SEC23B: variants seen among roughly 807,000 people sequenced by gnomAD.
SEC23B encodes SEC23 homolog B, COPII component.
SEC23B carries 77 observed loss-of-function variants against 104.3 expected under a neutral mutation model. The observed-to-expected ratio is 0.74, with a 90% confidence interval of 0.61 to 0.89. The LOEUF (loss-of-function observed/expected upper bound fraction) is 0.89. Among genes scored for constraint, SEC23B ranks in the 40% least tolerant of loss-of-function variants. The probability of loss-of-function intolerance (pLI) is 0.00; values close to 1 mark genes in which losing one functional copy is unlikely to be tolerated. For missense variants in SEC23B, 885 were observed against 949.4 expected, an observed-to-expected ratio of 0.93 and a Z score of 0.89; for synonymous variants, 338 against 332.5, an observed-to-expected ratio of 1.02 and a Z score of -0.18.
chr20:18,548,538 A>C, intron 15 of SEC23B, 71 bp from the exon 16 acceptor site: 4 of 1,463,206 alleles, frequency 2.7e-6, no homozygotes, highest in Non-Finnish European at 3.8e-6. Flanking sequence ...GCCCTGAGGT[A>C]GATCTACTCT....
At chr20:18,513,628 T>G (rs2060000125) in intron 3 of SEC23B, among the ~76,000 whole-genome samples, 2 of 152,242 alleles carry the variant, frequency 1.3e-5, no homozygotes, top group South Asian at 2.1e-4. Context: ...AGTCTAGTGA[T>G]GAAGAGGACA....
chr20:18,516,531 G>T, intron 4 of SEC23B, among the ~76,000 whole-genome samples: 1 of 87,454 alleles, frequency 1.1e-5, no homozygotes, highest in African/African-American at 3.1e-5. Context: ...ACATTTTTGG[G>T]CTCTTTTTTT....
chr20:18,527,410 T>C (rs1358300435), intron 8 of SEC23B, 86 bp from the exon 9 acceptor site: 3 of 821,344 alleles, frequency 3.7e-6, no homozygotes, highest in Non-Finnish European at 4.4e-6. Flanking sequence ...TACATGTTTT[T>C]ATATTTGATT....
intron 4 of SEC23B, among the ~76,000 whole-genome samples, chr20:18,516,386 A>G (rs2060026013): frequency 6.6e-6 from 1 of 151,422 alleles, no homozygotes; most frequent in Non-Finnish European, 1.5e-5. Context: ...CATATGTTGG[A>G]GGTTTGCATT....
Position 18,542,257 on chromosome 20 carries a change from C to T in SEC23B, c.1405-39C>T, listed in dbSNP as rs116354019. 3,307 of 1,554,876 alleles carry T rather than the reference C, an allele frequency of 2.1e-3. 77 individuals are homozygous for T. In the African/African-American group the frequency reaches 0.04, roughly 19 times the overall value. Reference sequence around the variant, plus strand: ...GGGCTCTGTGACCGTGTTTGAGTTGCGCCTATAACAGACAAGGTTATGGCC... The same window carrying T: ...GGGCTCTGTGACCGTGTTTGAGTTGTGCCTATAACAGACAAGGTTATGGCC... On this transcript the variant is annotated intron_variant, in intron 12 of 19. Coordinates refer to ENST00000650089, the MANE Select transcript of SEC23B (RefSeq NM_006363.6).
intron 13 of SEC23B, 42 bp from the exon 14 acceptor site, chr20:18,542,977 C>T: frequency 6.2e-7 from 1 of 1,612,850 alleles, no homozygotes; most frequent in Non-Finnish European, 8.5e-7. Context: ...GCTTTCTGAT[C>T]TCTCCTAAAC....
intron 17 of SEC23B, among the ~76,000 whole-genome samples, chr20:18,552,613 AGACCAGTCT>A (rs2060398621): frequency 6.6e-6 from 1 of 152,214 alleles, no homozygotes; most frequent in Non-Finnish European, 1.5e-5. Flanking sequence ...CAGGAGTTCA[AGACCAGTCT>A]GGCCAACATA....
chr20:18,508,952 C>A (rs889862370), intron 1 of SEC23B, among the ~76,000 whole-genome samples: 2 of 152,116 alleles, frequency 1.3e-5, no homozygotes, highest in African/African-American at 4.8e-5. Flanking sequence ...AATTCCTGAC[C>A]TCAGGTCATC....
chr20:18,549,360 T>C (rs545028146), intron 16 of SEC23B, among the ~76,000 whole-genome samples: 16 of 152,152 alleles, frequency 1.1e-4, no homozygotes, highest in Non-Finnish European at 1.9e-4. Context: ...ATACCTAATA[T>C]AATGTAAGTA....
At chr20:18,560,369 G>GTAC (rs2060480425) in intron 19 of SEC23B, among the ~76,000 whole-genome samples, 1 of 152,122 alleles carries the variant, frequency 6.6e-6, no homozygotes, top group Non-Finnish European at 1.5e-5. Context: ...TAGACCCTGG[G>GTAC]TACTTCATCA....
intron 11 of SEC23B, 48 bp from the exon 12 acceptor site, chr20:18,535,605 G>T (rs765325051): frequency 4.1e-6 from 6 of 1,466,448 alleles, no homozygotes; most frequent in Non-Finnish European, 3.8e-6. Context: ...ATTAACCACA[G>T]GGATGGTTTT....
Position 18,527,591 on chromosome 20 carries a change from GTGT to G in SEC23B, c.1093_1095del (p.Cys365del), listed in dbSNP as rs753064087. Reference sequence around the variant, plus strand: ...ATCAAACTGGACTTTTGGAGATGAAGTGTTGTGCAAATCTTACTGGGTATGTTG... The same window carrying G: ...ATCAAACTGGACTTTTGGAGATGAAGTGTGCAAATCTTACTGGGTATGTTG... On this transcript the variant is annotated inframe_deletion, in exon 9 of 20. Coordinates refer to ENST00000650089, the MANE Select transcript of SEC23B (RefSeq NM_006363.6). 5 of 1,606,562 alleles carry G rather than the reference GTGT, an allele frequency of 3.1e-6. No homozygotes were observed. Among genetic ancestry groups the G allele is most frequent in the Non-Finnish European group, 4.3e-6 (5 of 1,173,074 alleles).
Position 18,518,270 on chromosome 20 carries a change from A to G in SEC23B, c.366+2534A>G, listed in dbSNP as rs188488716. 4.1e-3 allele frequency among the ~76,000 whole-genome samples: 620 copies of G among 152,348 alleles called. 1 individual carries two copies. The highest frequency in any genetic ancestry group is 0.017 in the Middle Eastern group (5 of 294). ...CTGTGGGAAAGGCCTCTACCCATCCAGTGAAAGTGTCTACCTAGACCAAGA... is the reference window on the plus strand; with the variant it reads ...CTGTGGGAAAGGCCTCTACCCATCCGGTGAAAGTGTCTACCTAGACCAAGA... On this transcript the variant is annotated intron_variant, in intron 4 of 19. Coordinates refer to ENST00000650089, the MANE Select transcript of SEC23B (RefSeq NM_006363.6).
At chr20:18,528,594 C>A (rs1458125690) in intron 9 of SEC23B, among the ~76,000 whole-genome samples, 3 of 152,164 alleles carry the variant, frequency 2.0e-5, no homozygotes, top group Admixed American at 1.3e-4. Context: ...TGCTGGTCCC[C>A]AGTGAGTAAA....
intron 19 of SEC23B, among the ~76,000 whole-genome samples, chr20:18,556,883 C>G (rs556691043): frequency 6.6e-6 from 1 of 152,208 alleles, no homozygotes; most frequent in Non-Finnish European, 1.5e-5. Flanking sequence ...GTAGTCCCAG[C>G]TACTTGGGTG....
Position 18,554,967 on chromosome 20 carries a change from C to T in SEC23B, c.2149-141C>T. On this transcript the variant is annotated intron_variant, in intron 18 of 19. Coordinates refer to ENST00000650089, the MANE Select transcript of SEC23B (RefSeq NM_006363.6). Reference sequence around the variant, plus strand: ...AGAAATAGATTACTGTGCAGTAAAACAATTCTAATTAGATTACTGTGCAGT... The same window carrying T: ...AGAAATAGATTACTGTGCAGTAAAATAATTCTAATTAGATTACTGTGCAGT... The T allele has an allele frequency of 2.9e-5, 2 of 69,434 alleles. 1 individual carries two copies. Among genetic ancestry groups the T allele is most frequent in the Non-Finnish European group, 8.7e-5 (2 of 22,900 alleles). The allele number at this position is 69,434 out of a possible 1,614,324, so 4.3% of individuals were successfully genotyped here. A position where few individuals can be genotyped will look rare whatever the true frequency, so the allele number is the denominator to read the frequency against.
chr20:18,509,017 G>A (rs2059958444), intron 1 of SEC23B, among the ~76,000 whole-genome samples: 1 of 152,166 alleles, frequency 6.6e-6, no homozygotes, highest in South Asian at 2.1e-4. Flanking sequence ...CACCGCGCCC[G>A]GCCGCCAGTG....
At chr20:18,514,637 G>A (rs1489264784) in intron 3 of SEC23B, among the ~76,000 whole-genome samples, 1 of 152,202 alleles carries the variant, frequency 6.6e-6, no homozygotes, top group African/African-American at 2.4e-5. Flanking sequence ...CAACCCACAA[G>A]CTGTGAATTT....
chr20:18,519,289 A>G (rs1035203390), intron 4 of SEC23B, among the ~76,000 whole-genome samples: 10 of 152,208 alleles, frequency 6.6e-5, no homozygotes, highest in African/African-American at 2.4e-4. Context: ...CGGGCCAGGA[A>G]CAATGGTAAC....
Sources: gnomAD v4.1 joint callset for allele counts (sites outside exome capture counted in the v4.1 genomes callset) on GRCh38, gnomAD v4.1.1 for gene constraint, MANE v1.5 for transcripts, NCBI Gene and HGNC (gene_info 2026-07-23, HGNC 2026-07-21) for gene names.